The following TMEM178B variants were observed in gnomAD, a reference collection of about 807,000 sequenced individuals.
TMEM178B encodes transmembrane protein 178B.
Under a neutral mutation model 31.0 loss-of-function variants are expected in TMEM178B, and 5 were observed. The ratio of observed to expected loss-of-function variants is 0.16; its 90% CI spans 0.08 to 0.34. The LOEUF is 0.34. Among genes scored for constraint, TMEM178B ranks in the 10% least tolerant of loss-of-function variants. The probability of loss-of-function intolerance (pLI) is 1.00; values close to 1 mark genes in which losing one functional copy is unlikely to be tolerated. For missense variants in TMEM178B, 275 were observed against 400.3 expected (o/e 0.69, Z 2.67); for synonymous variants, 164 against 164.0 (o/e 1.00, Z 0.00).
intron 2 of TMEM178B, chr7:141,415,891 G>A (rs992061268): frequency 6.6e-6 from 1 of 152,408 alleles, no homozygotes. Flanking sequence ...ATGGAGATGT[G>A]ATAGACATAA....
chr7:141,428,313 A>G lies in TMEM178B; in HGVS notation c.497-9295A>G, dbSNP rs1320407955. On this transcript the variant is annotated intron_variant, in intron 2 of 3. Coordinates refer to ENST00000565468, the MANE Select transcript of TMEM178B (RefSeq NM_001195278.2). ...AACCTGGGAGGCGGAGGTTGTGGTG[A>G]GCTGAGATTGTGCCGTTGCACTCCA... Among the ~76,000 whole-genome samples, 3 of 140,746 alleles carry G rather than the reference A, an allele frequency of 2.1e-5. No homozygotes were observed. The Admixed American group carries it at 2.3e-4, about 11-fold the overall frequency. 92.3% of individuals were successfully genotyped at this position (140,746 alleles called of 152,430 possible).
chr7:141,179,965 G>T (rs1471121301), intron 1 of TMEM178B, among the ~76,000 whole-genome samples: 1 of 152,140 alleles, frequency 6.6e-6, no homozygotes, highest in Non-Finnish European at 1.5e-5. Flanking sequence ...CACTTTCAGT[G>T]CCCCATGCTC....
chr7:141,260,372 A>G (rs1797992341), intron 2 of TMEM178B, among the ~76,000 whole-genome samples: 1 of 152,092 alleles, frequency 6.6e-6, no homozygotes, highest in Non-Finnish European at 1.5e-5. Flanking sequence ...ACGTTTTTCA[A>G]TTTGATGTGT....
At chr7:141,359,849 T>G (rs1276143984) in intron 2 of TMEM178B, among the ~76,000 whole-genome samples, 1 of 152,172 alleles carries the variant, frequency 6.6e-6, no homozygotes, top group Non-Finnish European at 1.5e-5. Context: ...TCTACGTGGC[T>G]GGGGAGGCCT....
chr7:141,273,719 GC>G (rs1251544763), intron 2 of TMEM178B, among the ~76,000 whole-genome samples: 4 of 152,180 alleles, frequency 2.6e-5, no homozygotes, highest in Non-Finnish European at 5.9e-5. Flanking sequence ...AGGTCTGCCA[GC>G]ATTTCCCTTG....
At chr7:141,487,379 T>C in the TMEM178B span, among the ~76,000 whole-genome samples, 1 of 151,996 alleles carries the variant, frequency 6.6e-6, no homozygotes, top group Non-Finnish European at 1.5e-5. Context: ...TTAACACGTG[T>C]TCTCCATCCG....
At chr7:141,281,686 A>G (rs536921659) in intron 2 of TMEM178B, among the ~76,000 whole-genome samples, 31 of 152,194 alleles carry the variant, frequency 2.0e-4, no homozygotes, top group Non-Finnish European at 4.1e-4. Context: ...TTCGTAGAAG[A>G]GTCACCCTGG....
intron 2 of TMEM178B, among the ~76,000 whole-genome samples, chr7:141,272,077 A>G (rs1197336486): frequency 1.3e-5 from 2 of 152,116 alleles, no homozygotes; most frequent in African/African-American, 4.8e-5. Flanking sequence ...GATCTCTTCT[A>G]TGGACTCATA....
At chr7:141,291,021 G>A (rs1479174820) in intron 2 of TMEM178B, among the ~76,000 whole-genome samples, 1 of 152,172 alleles carries the variant, frequency 6.6e-6, no homozygotes, top group Admixed American at 6.5e-5. Context: ...TTCCCTAATT[G>A]CTTTCTCTAC....
chr7:141,254,624 A>G lies in TMEM178B; in HGVS notation c.496+41920A>G, dbSNP rs1227196882. Reference sequence around the variant, plus strand: ...TCCCAGCTACTCAGGAGGCTGAGGCAGGAGAATGGCTTGAACCCGGGGGAG... The same window carrying G: ...TCCCAGCTACTCAGGAGGCTGAGGCGGGAGAATGGCTTGAACCCGGGGGAG... On this transcript the variant is annotated intron_variant, in intron 2 of 3. Coordinates refer to ENST00000565468, the MANE Select transcript of TMEM178B (RefSeq NM_001195278.2). 2.6e-5 allele frequency among the ~76,000 whole-genome samples: 4 copies of G among 152,310 alleles called. No homozygotes were observed. The East Asian group carries it at 7.7e-4, about 29-fold the overall frequency.
chr7:141,245,382 C>G (rs899041885), intron 2 of TMEM178B, among the ~76,000 whole-genome samples: 3 of 151,690 alleles, frequency 2.0e-5, no homozygotes, highest in Non-Finnish European at 4.4e-5. Context: ...TGGGGAAGGA[C>G]ATTTGTGGAT....
chr7:141,207,000 A>T (rs1007696206), intron 1 of TMEM178B, among the ~76,000 whole-genome samples: 3 of 152,174 alleles, frequency 2.0e-5, no homozygotes, highest in African/African-American at 4.8e-5. Flanking sequence ...GAGTTTGACT[A>T]GTTTAGAGAA....
At chr7:141,342,541 T>A (rs992735195) in intron 2 of TMEM178B, among the ~76,000 whole-genome samples, 2 of 152,238 alleles carry the variant, frequency 1.3e-5, no homozygotes, top group Admixed American at 1.3e-4. Context: ...GTCTTCCTGA[T>A]GACCCTCAGG....
chr7:141,477,013 A>G lies in TMEM178B; in HGVS notation c.*6227A>G, dbSNP rs1802382670. 1 of 154,842 alleles carries G rather than the reference A, an allele frequency of 6.5e-6. No homozygotes were observed. Among genetic ancestry groups the G allele is most frequent in the African/African-American group, 2.4e-5 (1 of 41,540 alleles). 9.6% of individuals were successfully genotyped at this position (154,842 alleles called of 1,614,324 possible). A position where few individuals can be genotyped will look rare whatever the true frequency, so the allele number is the denominator to read the frequency against. ...ATGCAACTCCTACACTTCATTCCCA[A>G]GGACCAGGTGTTGCTCCTTAAGGAA... On this transcript the variant is annotated 3_prime_UTR_variant, in exon 4 of 4. Transcript: ENST00000565468.
At chr7:141,509,236 T>C in the TMEM178B span, among the ~76,000 whole-genome samples, 1 of 152,070 alleles carries the variant, frequency 6.6e-6, no homozygotes. Flanking sequence ...ATGGTAAATA[T>C]AAAGTAGAGA....
rs1404854601 is a variant in TMEM178B, at chr7:141,074,344, C to T, written c.34C>T (p.Leu12Phe). 6.5e-7 allele frequency: 1 copy of T among 1,535,964 alleles called. No homozygotes were observed. Among genetic ancestry groups the T allele is most frequent in the Admixed American group, 2.0e-5 (1 of 50,998 alleles). Reference sequence around the variant, plus strand: ...CGGAAGGTTACTGCTCTACACTGGCCTCTCGCTAGCGCTCTGCGCCCTCGG... The same window carrying T: ...CGGAAGGTTACTGCTCTACACTGGCTTCTCGCTAGCGCTCTGCGCCCTCGG... The part of the protein sequence containing the change: ...AAGRLLLYTG[L>F]SLALCALGML... Residue 12 changes from leucine (L) to phenylalanine (F), a missense_variant, in exon 1 of 4, where the codon CTC becomes TTC. Leu to Phe is a conservative substitution (Grantham distance 22, BLOSUM62 0). Coordinates refer to ENST00000565468, the MANE Select transcript of TMEM178B (RefSeq NM_001195278.2). This position sits in a 1 kb window ranked among gnomAD's most constrained non-coding sequence, Gnocchi z 5.1.
intron 2 of TMEM178B, among the ~76,000 whole-genome samples, chr7:141,240,743 AT>A (rs2129193320): frequency 6.6e-6 from 1 of 152,322 alleles, no homozygotes; most frequent in African/African-American, 2.4e-5. Flanking sequence ...TTTTGCTATT[AT>A]TTATATGAAG....
At chr7:141,366,293 A>G (rs1450617226) in intron 2 of TMEM178B, among the ~76,000 whole-genome samples, 4 of 152,154 alleles carry the variant, frequency 2.6e-5, no homozygotes, top group African/African-American at 9.7e-5. Flanking sequence ...TCCTGAAAGC[A>G]TGTCTGTGAC....
At chr7:141,327,163 G>A (rs1199689037) in intron 2 of TMEM178B, among the ~76,000 whole-genome samples, 1 of 152,140 alleles carries the variant, frequency 6.6e-6, no homozygotes, top group Non-Finnish European at 1.5e-5. Context: ...AAATTGGGTA[G>A]ACGGTGGCCT....
Sources: allele counts gnomAD v4.1 joint callset (sites outside exome capture counted in the v4.1 genomes callset), GRCh38; gene constraint gnomAD v4.1.1; non-coding constraint Gnocchi (gnomAD v3.1); transcripts MANE v1.5; gene names NCBI Gene and HGNC (gene_info 2026-07-23, HGNC 2026-07-21).